The following PIEZO2 variants were observed in gnomAD, a reference collection of about 807,000 sequenced individuals.
The protein encoded by PIEZO2 is piezo type mechanosensitive ion channel component 2, also known as piezo-type mechanosensitive ion channel component 2.
Under a neutral mutation model 337.3 loss-of-function variants are expected in PIEZO2, and 172 were observed. The observed-to-expected ratio is 0.51, with a 90% confidence interval of 0.45 to 0.58. The LOEUF is 0.58. Among genes scored for constraint, PIEZO2 ranks in the 20% least tolerant of loss-of-function variants. PIEZO2 has a pLI of 0.00. For synonymous variants in PIEZO2, 1,251 were observed against 1,228.5 expected (o/e 1.02, Z -0.38); for missense variants, 3,028 against 3,391.3 (o/e 0.89, Z 2.66).
chr18:10,845,215 A>AC (rs1555658888), intron 7 of PIEZO2, among the ~76,000 whole-genome samples: 19 of 121,156 alleles, frequency 1.6e-4, no homozygotes, highest in Non-Finnish European at 3.0e-4. Flanking sequence ...TATATATATA[A>AC]ACACACACAC....
intron 35 of PIEZO2, among the ~76,000 whole-genome samples, chr18:10,731,808 C>T (rs935159854): frequency 6.6e-6 from 1 of 152,188 alleles, no homozygotes; most frequent in Non-Finnish European, 1.5e-5. Context: ...ATTTGTGATA[C>T]TTATTACTGA....
chr18:10,838,321 T>C (rs1335988424), intron 7 of PIEZO2, among the ~76,000 whole-genome samples: 1 of 152,344 alleles, frequency 6.6e-6, no homozygotes, highest in African/African-American at 2.4e-5. Flanking sequence ...CATGTTTCCA[T>C]GCCAAACCCA....
chr18:10,922,812 T>C (rs1292570478), intron 3 of PIEZO2, among the ~76,000 whole-genome samples: 1 of 152,152 alleles, frequency 6.6e-6, no homozygotes, highest in Non-Finnish European at 1.5e-5. Context: ...ACATAGATTA[T>C]ACTTTTCAAA....
At position 10,886,376 on chromosome 18, in the gene PIEZO2, G is replaced by A. The variant is rs868530027; in HGVS notation, c.330-14961C>T. ...CACACACACACATATATATGTGTGTGTGTGTATATATATATATATATATAT... is the reference window on the plus strand; with the variant it reads ...CACACACACACATATATATGTGTGTATGTGTATATATATATATATATATAT... On this transcript the variant is annotated intron_variant, in intron 4 of 55. Coordinates refer to ENST00000674853, the MANE Select transcript of PIEZO2 (RefSeq NM_001378183.1). 2.0e-3 allele frequency among the ~76,000 whole-genome samples: 27 copies of A among 13,790 alleles called. 1 individual carries two copies. Among genetic ancestry groups the A allele is most frequent in the East Asian group, 4.1e-3 (1 of 242 alleles). 9.0% of individuals were successfully genotyped at this position (13,790 alleles called of 152,430 possible).
chr18:11,073,638 C>A, intron 1 of PIEZO2, among the ~76,000 whole-genome samples: 1 of 152,166 alleles, frequency 6.6e-6, no homozygotes. Context: ...GCTTCACTTA[C>A]TTTTCATTTG....
At chr18:10,892,787 T>C (rs2042793497) in intron 4 of PIEZO2, among the ~76,000 whole-genome samples, 1 of 152,190 alleles carries the variant, frequency 6.6e-6, no homozygotes, top group African/African-American at 2.4e-5. Flanking sequence ...CATAAAAATG[T>C]AAATGAAGAA....
chr18:11,055,038 C>T (rs1014159319), intron 2 of PIEZO2, among the ~76,000 whole-genome samples: 5 of 151,956 alleles, frequency 3.3e-5, no homozygotes, highest in South Asian at 2.1e-4. Context: ...GGTGAAACCC[C>T]GTCTCTACTA....
chr18:11,075,939 G>A (rs900423776), intron 1 of PIEZO2, among the ~76,000 whole-genome samples: 17 of 151,864 alleles, frequency 1.1e-4, no homozygotes, highest in African/African-American at 1.7e-4. Context: ...ACAGGTGCCC[G>A]CCACCATGCC....
chr18:10,710,389 C>T (rs972220652), intron 39 of PIEZO2, among the ~76,000 whole-genome samples: 2 of 152,218 alleles, frequency 1.3e-5, no homozygotes, highest in Admixed American at 6.5e-5. Flanking sequence ...CGGGCCCCCC[C>T]ACTGCCAGCA....
intron 18 of PIEZO2, among the ~76,000 whole-genome samples, chr18:10,777,801 A>T (rs1478104652): frequency 3.3e-5 from 5 of 152,204 alleles, no homozygotes; most frequent in African/African-American, 1.2e-4. Context: ...TATAAGTAAC[A>T]TTTAAAGTAA....
rs372374178 is a variant in PIEZO2 at position 10,993,815 on chromosome 18, C to T, written c.161-14155G>A. ...GTGCTGGGATTACAGGCGTGAGCCA[C>T]CGCTCCTGGCCATGTCTCTGCTTTT... On this transcript the variant is annotated intron_variant, in intron 2 of 55. Transcript: ENST00000674853. The surrounding 1 kb of genome is among the most constrained non-coding windows in gnomAD (Gnocchi z 5.0). Among the ~76,000 whole-genome samples, 16 of 152,256 alleles carry T rather than the reference C, an allele frequency of 1.1e-4. No homozygotes were observed. In the South Asian group the frequency reaches 2.5e-3, roughly 24 times the overall value.
At chr18:11,041,052 C>T (rs1217418385) in intron 2 of PIEZO2, among the ~76,000 whole-genome samples, 1 of 152,140 alleles carries the variant, frequency 6.6e-6, no homozygotes. Context: ...AGACCAGGCA[C>T]ACAACCTGGA....
At position 10,682,801 on chromosome 18, in the gene PIEZO2, A is replaced by C. The variant is rs1399082522; in HGVS notation, c.7498-509T>G. Among the ~76,000 whole-genome samples the C allele has an allele frequency of 1.0e-5, 1 of 99,416 alleles. No individual in the cohort carries two copies. The highest frequency in any genetic ancestry group is 3.1e-5 in the African/African-American group (1 of 32,436). The allele number at this position is 99,416 out of a possible 152,430, so 65.2% of individuals were successfully genotyped here. On this transcript the variant is annotated intron_variant, in intron 49 of 55. Transcript: ENST00000674853. This position sits in a 1 kb window ranked among gnomAD's most constrained non-coding sequence, Gnocchi z 5.6. Reference sequence around the variant, plus strand: ...TAAAGACAATGTTGTTCGACACCTAAGGTAAGATTTGTATGATTAGAAGAG... The same window carrying C: ...TAAAGACAATGTTGTTCGACACCTACGGTAAGATTTGTATGATTAGAAGAG...
In PIEZO2 at chr18:10,993,597, C is replaced by T. The variant is rs9952228; in HGVS notation, c.161-13937G>A. On this transcript the variant is annotated intron_variant, in intron 2 of 55. Transcript: ENST00000674853. This position sits in a 1 kb window ranked among gnomAD's most constrained non-coding sequence, Gnocchi z 5.0. The stretch of plus-strand genomic sequence containing the variant: ...GCTGGAGTACAGTGGCACGATCTCG[C>T]CTCACTGCAACCTCCGCCTCCCGGG... Among the ~76,000 whole-genome samples the T allele has an allele frequency of 0.52, 79,101 of 151,882 alleles. 21,037 individuals carry two copies. Among genetic ancestry groups the T allele is most frequent in the African/African-American group, 0.61 (25,355 of 41,406 alleles).
At chr18:11,008,444 G>C (rs888880801) in intron 2 of PIEZO2, among the ~76,000 whole-genome samples, 14 of 152,258 alleles carry the variant, frequency 9.2e-5, no homozygotes, top group Admixed American at 9.2e-4. Context: ...CTAACTTCCT[G>C]GCCAACTGCA....
chr18:10,683,944 G>A (rs1229978160), intron 49 of PIEZO2, among the ~76,000 whole-genome samples: 1 of 152,014 alleles, frequency 6.6e-6, no homozygotes, highest in Non-Finnish European at 1.5e-5. Flanking sequence ...CCCTCACACT[G>A]CCTTTCCAGG....
At chr18:11,034,114 C>T (rs2036837139) in intron 2 of PIEZO2, among the ~76,000 whole-genome samples, 1 of 152,010 alleles carries the variant, frequency 6.6e-6, no homozygotes, top group Admixed American at 6.6e-5. Flanking sequence ...GCTCGTCGTA[C>T]CTGTCTTTGT....
At chr18:10,792,899 T>G (rs1246215505) in intron 13 of PIEZO2, among the ~76,000 whole-genome samples, 1 of 152,232 alleles carries the variant, frequency 6.6e-6, no homozygotes, top group Non-Finnish European at 1.5e-5. Context: ...ACCAGCAGTG[T>G]GTGACCATTT....
At position 10,752,639 on chromosome 18, in the gene PIEZO2, C is replaced by A; in HGVS notation, c.4164G>T (p.Leu1388=). ...NVFVITMKNI[L]SIGACGYIGT... ...TTATGCAGTGGCAACCACTTACTGA[C>A]AGGATATTTTTCATCGTAATCACAA... The change falls in exon 28 of 56, where the codon CTG becomes CTT. Residue 1388 remains leucine, a synonymous_variant. Coordinates refer to ENST00000674853, the MANE Select transcript of PIEZO2 (RefSeq NM_001378183.1). 1 of 1,537,092 alleles carries A rather than the reference C, an allele frequency of 6.5e-7. No homozygotes were observed. The highest frequency in any genetic ancestry group is 8.7e-7 in the Non-Finnish European group (1 of 1,146,810).
Sources: allele counts gnomAD v4.1 joint callset (sites outside exome capture counted in the v4.1 genomes callset), GRCh38; gene constraint gnomAD v4.1.1; non-coding constraint Gnocchi (gnomAD v3.1); transcripts MANE v1.5; gene names NCBI Gene and HGNC (gene_info 2026-07-23, HGNC 2026-07-21).